Variants in CFAP46 observed in about 807,000 individuals in gnomAD.
CFAP46 encodes cilia and flagella associated protein 46, also known as cilia- and flagella-associated protein 46.
Under a neutral mutation model 325.7 loss-of-function variants are expected in CFAP46, and 245 were observed. That is an observed-to-expected ratio of 0.75 (90% CI 0.68 to 0.84). The LOEUF is 0.84. CFAP46 is among the 40% of genes least tolerant of loss of function. The pLI, the probability that CFAP46 is intolerant of heterozygous loss-of-function variation, is 0.00. For synonymous variants in CFAP46, 1,523 were observed against 1,495.9 expected, an observed-to-expected ratio of 1.02 and a Z score of -0.42; for missense variants, 3,346 against 3,543.0, an observed-to-expected ratio of 0.94 and a Z score of 1.41.
chr10:132,848,493 A>G (rs1435648477), intron 41 of CFAP46, among the ~76,000 whole-genome samples: 1 of 144,008 alleles, frequency 6.9e-6, no homozygotes, highest in Non-Finnish European at 1.5e-5. Flanking sequence ...TGCCAGGGAA[A>G]GTTTCCTCCC....
At chr10:132,815,587 G>A (rs1028859512) in intron 50 of CFAP46, among the ~76,000 whole-genome samples, 1 of 152,230 alleles carries the variant, frequency 6.6e-6, no homozygotes, top group African/African-American at 2.4e-5. Context: ...TGCGCTGACT[G>A]AAATGCTTGC....
rs201030035 is a variant in CFAP46, at chr10:132,832,394, C to CA, written c.7117+963_7117+964insT. On this transcript the variant is annotated intron_variant, in intron 50 of 57. Transcript: ENST00000368586. This position sits in a 1 kb window ranked among gnomAD's most constrained non-coding sequence, Gnocchi z 4.1. ...AGACCCCTGGGCTCTTCCTGCCCCCCCCCCCCAATGCTGTGGCCTGGAAAT... is the reference window on the plus strand; with the variant it reads ...AGACCCCTGGGCTCTTCCTGCCCCCCACCCCCCAATGCTGTGGCCTGGAAAT... Among the ~76,000 whole-genome samples the CA allele has an allele frequency of 3.6e-5, 5 of 139,444 alleles. No homozygotes were observed. Among genetic ancestry groups the CA allele is most frequent in the African/African-American group, 1.4e-4 (5 of 36,842 alleles). 91.5% of individuals were successfully genotyped at this position (139,444 alleles called of 152,430 possible).
chr10:132,824,429 ATGTGTGC>A (rs1847986143), intron 50 of CFAP46, among the ~76,000 whole-genome samples: 1 of 86,176 alleles, frequency 1.2e-5, no homozygotes, highest in Non-Finnish European at 2.2e-5. Flanking sequence ...GTGAGTGCTG[ATGTGTGC>A]TGTGTGCTGA....
chr10:132,878,750 T>C (rs113539075), intron 29 of CFAP46, among the ~76,000 whole-genome samples: 301 of 152,326 alleles, frequency 2.0e-3, no homozygotes, highest in African/African-American at 6.6e-3. Flanking sequence ...TTTCCTGCTC[T>C]GCCCACGGCT....
chr10:132,843,548 C>T (rs1244522810), intron 44 of CFAP46, among the ~76,000 whole-genome samples: 9 of 138,892 alleles, frequency 6.5e-5, no homozygotes, highest in Admixed American at 4.3e-4. Context: ...GCTCTGGTCT[C>T]GGTGGGTGTT....
intron 31 of CFAP46, among the ~76,000 whole-genome samples, chr10:132,873,354 C>T (rs913262889): frequency 3.3e-5 from 5 of 152,134 alleles, no homozygotes; most frequent in Non-Finnish European, 5.9e-5. Flanking sequence ...AATGACTGGG[C>T]CAAGATCTGG....
Position 132,919,202 on chromosome 10 carries a change from C to T in CFAP46, c.1858+113G>A, listed in dbSNP as rs1220904290. 2.4e-5 allele frequency: 27 copies of T among 1,137,930 alleles called. No individual in the cohort carries two copies. The highest frequency in any genetic ancestry group is 5.6e-5 in the East Asian group (2 of 35,672). The allele number at this position is 1,137,930 out of a possible 1,614,324, so 70.5% of individuals were successfully genotyped here. On this transcript the variant is annotated intron_variant, in intron 15 of 57. Transcript: ENST00000368586. This position sits in a 1 kb window ranked among gnomAD's most constrained non-coding sequence, Gnocchi z 9.7. ...CTGCTACCATTGTGACTTAGCAATA[C>T]GCTTTCTCATGCGAAGGCCCCATGG...
At chr10:132,920,294 C>A in intron 13 of CFAP46, 112 bp from the exon 14 acceptor site, 2 of 1,318,658 alleles carry the variant, frequency 1.5e-6, no homozygotes, top group Non-Finnish European at 2.0e-6. Context: ...CCACAGGTAG[C>A]GGCTCCAGGG....
chr10:132,859,230 A>G lies in CFAP46; in HGVS notation c.5216T>C (p.Val1739Ala). Residue 1739 changes from valine (V) to alanine (A), a missense_variant, in exon 38 of 58, where the codon GTC (valine) becomes GCC (alanine). Transcript: ENST00000368586. The part of the protein sequence containing the change: ...DLEARCLSLR[V>A]RVAQHSAVTE... The stretch of plus-strand genomic sequence containing the variant: ...GACCGCTGAGTGCTGCGCAACTCTG[A>G]CCCGCAGGCTCAGGCACCTGACGGA... 1 of 1,548,928 alleles carries G rather than the reference A, an allele frequency of 6.5e-7. No homozygotes were observed. Among genetic ancestry groups the G allele is most frequent in the Non-Finnish European group, 8.7e-7 (1 of 1,146,696 alleles).
At position 132,834,748 on chromosome 10, in the gene CFAP46, T is replaced by C. The variant is rs1848210045; in HGVS notation, c.6772A>G (p.Lys2258Glu). Residue 2258 changes from lysine (K) to glutamate (E), a missense_variant, in exon 48 of 58, where the codon AAG (lysine) becomes GAG (glutamate). Lys to Glu is a moderately conservative substitution (Grantham distance 56). Transcript: ENST00000368586. Reference sequence around the variant, plus strand: ...CTGAGCCTCTGCACAGGGCGCTCCTTCTCTTCCACCTGCAGGCCTTCTGGT... The same window carrying C: ...CTGAGCCTCTGCACAGGGCGCTCCTCCTCTTCCACCTGCAGGCCTTCTGGT... The part of the protein sequence containing the change: ...SEPEGLQVEE[K>E]ERPVQRLSSV... The C allele has an allele frequency of 6.2e-7, 1 of 1,612,632 alleles. No individual in the cohort carries two copies. Among genetic ancestry groups the C allele is most frequent in the African/African-American group, 1.3e-5 (1 of 75,024 alleles).
At chr10:132,837,568 G>T (rs565563408) in intron 44 of CFAP46, among the ~76,000 whole-genome samples, 1 of 127,528 alleles carries the variant, frequency 7.8e-6, no homozygotes, top group African/African-American at 3.1e-5. Context: ...GACATGCACG[G>T]ACACACACAT....
rs747791594 is a variant in CFAP46, at chr10:132,836,808, C to A, written c.6536+9G>T. On this transcript the variant is annotated intron_variant, in intron 45 of 57. Transcript: ENST00000368586. Reference sequence around the variant, plus strand: ...TGGGGGCGGCCTCAACAAGAAGGAGCGGCTTTACCTGTCCCCTGAGAGGTG... The same window carrying A: ...TGGGGGCGGCCTCAACAAGAAGGAGAGGCTTTACCTGTCCCCTGAGAGGTG... The A allele has an allele frequency of 1.9e-6, 3 of 1,611,432 alleles. No homozygotes were observed. The highest frequency in any genetic ancestry group is 1.7e-5 in the Admixed American group (1 of 60,010).
intron 8 of CFAP46, 27 bp downstream of exon 8, chr10:132,934,725 T>C: frequency 1.5e-6 from 2 of 1,371,358 alleles, no homozygotes; most frequent in Middle Eastern, 1.8e-4. Context: ...TATGAAGATG[T>C]GATATTGGAA....
chr10:132,940,441 A>C (rs1042888735), intron 4 of CFAP46, among the ~76,000 whole-genome samples: 1 of 152,200 alleles, frequency 6.6e-6, no homozygotes, highest in Non-Finnish European at 1.5e-5. Flanking sequence ...AAAGTGCTGG[A>C]GTCGCCTCCG....
At chr10:132,831,932 C>T (rs1848153720) in intron 50 of CFAP46, among the ~76,000 whole-genome samples, 1 of 151,972 alleles carries the variant, frequency 6.6e-6, no homozygotes, top group South Asian at 2.1e-4. Flanking sequence ...TTATTGATTA[C>T]TTGAGGATGT....
intron 24 of CFAP46, chr10:132,898,570 CCCCTG>C: frequency 2.9e-6 from 1 of 339,082 alleles, no homozygotes; most frequent in Non-Finnish European, 5.7e-6. Flanking sequence ...CAGCCCCCGC[CCCCTG>C]CCCTGCCCTC....
At chr10:132,899,431 G>A (rs1849363661) in intron 23 of CFAP46, 104 bp downstream of exon 23, 2 of 1,416,136 alleles carry the variant, frequency 1.4e-6, no homozygotes, top group Non-Finnish European at 1.9e-6. Context: ...GCCGGCAGGA[G>A]CCCTCCCTTG....
chr10:132,824,203 ATGTGTGCTG>A (rs1443995434), intron 50 of CFAP46, among the ~76,000 whole-genome samples: 4 of 99,890 alleles, frequency 4.0e-5, no homozygotes, highest in East Asian at 3.6e-4. Flanking sequence ...GTGAGTGCTG[ATGTGTGCTG>A]TGTGTGCTGT....
chr10:132,882,298 T>G (rs1849059463), intron 27 of CFAP46, among the ~76,000 whole-genome samples: 1 of 148,796 alleles, frequency 6.7e-6, no homozygotes, highest in Admixed American at 6.7e-5. Flanking sequence ...GTATGAGATG[T>G]GGGTTACAGG....
Sources: allele counts gnomAD v4.1 joint callset (sites outside exome capture counted in the v4.1 genomes callset), GRCh38; gene constraint gnomAD v4.1.1; non-coding constraint Gnocchi (gnomAD v3.1); transcripts MANE v1.5; gene names NCBI Gene and HGNC (gene_info 2026-07-23, HGNC 2026-07-21).